Variants in CCDC18 observed in about 807,000 individuals in gnomAD.
CCDC18 encodes the protein coiled-coil domain-containing protein 18.
Under a neutral mutation model 196.0 loss-of-function variants are expected in CCDC18, and 157 were observed. The ratio of observed to expected loss-of-function variants is 0.80; its 90% CI spans 0.70 to 0.91. CCDC18 has a LOEUF of 0.91. Among genes scored for constraint, CCDC18 ranks in the 40% least tolerant of loss-of-function variants. The pLI, the probability that CCDC18 is intolerant of heterozygous loss-of-function variation, is 0.00. For missense variants in CCDC18, 1,465 were observed against 1,611.6 expected (o/e 0.91, Z 1.56); for synonymous variants, 482 against 529.2 (o/e 0.91, Z 1.22).
At chr1:93,182,290 A>C (rs1465656806) in intron 1 of CCDC18, among the ~76,000 whole-genome samples, 1 of 152,232 alleles carries the variant, frequency 6.6e-6, no homozygotes, top group African/African-American at 2.4e-5. Flanking sequence ...AGTGGGGAAT[A>C]AATGTAACAT....
At chr1:93,266,279 G>A (rs1052149297) in intron 27 of CCDC18, among the ~76,000 whole-genome samples, 3 of 152,186 alleles carry the variant, frequency 2.0e-5, no homozygotes, top group Admixed American at 6.5e-5. Flanking sequence ...GAATCTCTGG[G>A]ACACATTTAA....
chr1:93,256,315 A>C lies in CCDC18; in HGVS notation c.3343-20A>C. On this transcript the variant is annotated intron_variant, in intron 24 of 28. Coordinates refer to ENST00000690025, the MANE Select transcript of CCDC18 (RefSeq NM_001378204.1). The stretch of plus-strand genomic sequence containing the variant: ...CTATATATTTCATTCTGAAACCTAC[A>C]AATACCTTATGCTTTTCAGGTTATG... 2 of 1,608,096 alleles carry C rather than the reference A, an allele frequency of 1.2e-6. No homozygotes were observed. Among genetic ancestry groups the C allele is most frequent in the Non-Finnish European group, 1.7e-6 (2 of 1,175,360 alleles).
chr1:93,193,475 G>A, intron 5 of CCDC18, 141 bp from the exon 6 acceptor site: 1 of 494,496 alleles, frequency 2.0e-6, no homozygotes, highest in Non-Finnish European at 3.5e-6. Context: ...TGATGAATAT[G>A]CCTTTTTCTC....
At chr1:93,183,270 C>A in intron 1 of CCDC18, 90 bp from the exon 2 acceptor site, 1 of 867,986 alleles carries the variant, frequency 1.2e-6, no homozygotes, top group South Asian at 2.7e-5. Context: ...AAATAGAAAA[C>A]TAATGAGTTA....
At chr1:93,179,973 A>G (rs2101207011), upstream of CCDC18, 5 of 1,427,832 alleles carry the variant, frequency 3.5e-6, no homozygotes, top group Non-Finnish European at 4.7e-6. Flanking sequence ...GCCGTCCACC[A>G]GAAGTTTCTA....
intron 28 of CCDC18, among the ~76,000 whole-genome samples, chr1:93,273,930 C>A (rs1301916612): frequency 6.6e-6 from 1 of 152,084 alleles, no homozygotes; most frequent in Non-Finnish European, 1.5e-5. Flanking sequence ...CTGAATAGTA[C>A]CAAATAATAG....
intron 17 of CCDC18, among the ~76,000 whole-genome samples, chr1:93,227,748 G>A (rs531615131): frequency 6.6e-6 from 1 of 151,796 alleles, no homozygotes; most frequent in South Asian, 2.1e-4. Context: ...GAGGCCGGGA[G>A]TTCAAGACCA....
In CCDC18 at chr1:93,256,513, A is replaced by G. The variant is rs369137276; in HGVS notation, c.3521A>G (p.Asp1174Gly). 3 of 1,613,594 alleles carry G rather than the reference A, an allele frequency of 1.9e-6. No individual in the cohort carries two copies. The African/African-American group carries it at 4.0e-5, about 22-fold the overall frequency. The change falls in exon 25 of 29, where the codon GAT becomes GGT. Residue 1174 changes from aspartate (D) to glycine (G), a missense_variant. Asp to Gly is a moderately conservative substitution (Grantham distance 94). Transcript: ENST00000690025. ...EIERLSSELE[D>G]MKQLSKEKDA... is the part of the protein sequence containing the mutation. ...GAAAGGCTCTCTAGTGAACTGGAGGATATGAAGCAACTCTCTAAAGAGAAA... is the reference window on the plus strand; with the variant it reads ...GAAAGGCTCTCTAGTGAACTGGAGGGTATGAAGCAACTCTCTAAAGAGAAA...
chr1:93,187,180 A>G (rs1159171109), intron 4 of CCDC18, among the ~76,000 whole-genome samples: 1 of 152,068 alleles, frequency 6.6e-6, no homozygotes, highest in South Asian at 2.1e-4. Flanking sequence ...GTATACCCAT[A>G]AGATAGATTG....
chr1:93,240,030 C>T lies in CCDC18; in HGVS notation c.2981+134C>T, dbSNP rs552255215. 46 of 645,482 alleles carry T rather than the reference C, an allele frequency of 7.1e-5. No individual in the cohort carries two copies. The African/African-American group carries it at 8.0e-4, about 11-fold the overall frequency. 40.0% of individuals were successfully genotyped at this position (645,482 alleles called of 1,614,324 possible). On this transcript the variant is annotated intron_variant, in intron 21 of 28. Coordinates refer to ENST00000690025, the MANE Select transcript of CCDC18 (RefSeq NM_001378204.1). ...CTTTGGCTCATCCCAGCCAGCCTAT[C>T]CCATGCCTTATCTAACTAATTCAGC...
chr1:93,253,460 G>C (rs1393837503), intron 23 of CCDC18, among the ~76,000 whole-genome samples: 1 of 152,222 alleles, frequency 6.6e-6, no homozygotes, highest in East Asian at 1.9e-4. Context: ...ATTGCAGCAA[G>C]AGAGTCGGGG....
At chr1:93,273,792 T>C (rs1361198152) in intron 28 of CCDC18, among the ~76,000 whole-genome samples, 1 of 152,174 alleles carries the variant, frequency 6.6e-6, no homozygotes, top group Non-Finnish European at 1.5e-5. Context: ...TTATGCAGGA[T>C]AAATTTGATA....
chr1:93,232,665 C>G lies in CCDC18; in HGVS notation c.2460+72C>G, dbSNP rs661566. Reference sequence around the variant, plus strand: ...TTTTTAAAATCATGAATAGATTTTTCGTTAGTTTTTTAAATTGCTGTTTGG... The same window carrying G: ...TTTTTAAAATCATGAATAGATTTTTGGTTAGTTTTTTAAATTGCTGTTTGG... On this transcript the variant is annotated intron_variant, in intron 18 of 28. Transcript: ENST00000690025. The G allele has an allele frequency of 0.19, 237,335 of 1,229,968 alleles. 30,602 individuals are homozygous for G. The highest frequency in any genetic ancestry group is 0.62 in the African/African-American group (39,854 of 64,682). 76.2% of individuals were successfully genotyped at this position (1,229,968 alleles called of 1,614,324 possible). A position where few individuals can be genotyped will look rare whatever the true frequency, so the allele number is the denominator to read the frequency against.
intron 28 of CCDC18, chr1:93,271,386 A>T: frequency 4.1e-6 from 4 of 985,028 alleles, no homozygotes; most frequent in Non-Finnish European, 4.8e-6. Flanking sequence ...TAAAAGAAAG[A>T]TATATCCCTC....
rs1461245657 is a variant in CCDC18 at position 93,270,451 on chromosome 1, T to C, written c.3990T>C (p.Pro1330=). ...APFTSPTEIM[P]DVQDPKFAKC... Reference sequence around the variant, plus strand: ...TTACATCTCCAACAGAAATTATGCCTGATGTTCAAGATCCAAAATTTGCTA... The same window carrying C: ...TTACATCTCCAACAGAAATTATGCCCGATGTTCAAGATCCAAAATTTGCTA... The change falls in exon 28 of 29, where the codon CCT becomes CCC. Residue 1330 remains proline, a synonymous_variant. Transcript: ENST00000690025. 1.3e-6 allele frequency: 2 copies of C among 1,550,334 alleles called. No homozygotes were observed. Among genetic ancestry groups the C allele is most frequent in the African/African-American group, 2.7e-5 (2 of 73,066 alleles).
At chr1:93,224,195 ATC>A (rs1657929601) in intron 16 of CCDC18, among the ~76,000 whole-genome samples, 1 of 152,018 alleles carries the variant, frequency 6.6e-6, no homozygotes, top group African/African-American at 2.4e-5. Flanking sequence ...CACTCACTTT[ATC>A]TCTCTCTACA....
rs1182116188 is a variant in CCDC18, at chr1:93,212,212, A to T, written c.1446A>T (p.Lys482Asn). The change falls in exon 11 of 29, where the codon AAA becomes AAT. Residue 482 changes from lysine to asparagine, a missense_variant. Transcript: ENST00000690025. ...GTAATGACAGCCAAGAAAGTAGCAA[A>T]TTAAGTAGTTTAGAAACAGAACCTG... The part of the protein sequence containing the change: ...ITCNDSQESS[K>N]LSSLETEPVK... The T allele has an allele frequency of 6.2e-7, 1 of 1,609,570 alleles. No homozygotes were observed. The highest frequency in any genetic ancestry group is 1.3e-5 in the African/African-American group (1 of 74,784).
intron 4 of CCDC18, 22 bp from the exon 5 acceptor site, chr1:93,191,978 A>G: frequency 6.5e-7 from 1 of 1,539,520 alleles, no homozygotes; most frequent in Non-Finnish European, 8.9e-7. Flanking sequence ...AAAGTACTAT[A>G]AAAGTTGTTT....
At chr1:93,252,530 C>A (rs767707316) in intron 23 of CCDC18, among the ~76,000 whole-genome samples, 1 of 151,596 alleles carries the variant, frequency 6.6e-6, no homozygotes, top group African/African-American at 2.4e-5. Flanking sequence ...TGATTCCCTG[C>A]GTCGTCTTAG....
Sources: allele counts gnomAD v4.1 joint callset (sites outside exome capture counted in the v4.1 genomes callset), GRCh38; gene constraint gnomAD v4.1.1; transcripts MANE v1.5; gene names NCBI Gene and HGNC (gene_info 2026-07-23, HGNC 2026-07-21).